Variants in TMEM60 observed in about 807,000 individuals in gnomAD.
TMEM60 encodes chromosome 7 open reading frame 35.
TMEM60 carries 4 observed loss-of-function variants against 10.7 expected under a neutral mutation model. That is an observed-to-expected ratio of 0.37 (90% CI 0.18 to 0.86). The LOEUF (loss-of-function observed/expected upper bound fraction) is 0.86. Among genes scored for constraint, TMEM60 ranks in the 40% least tolerant of loss-of-function variants. The pLI is 0.43. For missense variants in TMEM60, 128 were observed against 153.4 expected (o/e 0.83, Z 0.88); for synonymous variants, 56 against 58.1 (o/e 0.96, Z 0.17).
chr7:77,798,134 G>C (rs570822273), intron 1 of TMEM60, 120 bp downstream of exon 1: 1 of 152,668 alleles, frequency 6.6e-6, no homozygotes, highest in East Asian at 1.9e-4. Flanking sequence ...GAGCCAAGCA[G>C]GCGTGTGCGC....
At chr7:77,795,527 T>C (rs1444164115) in intron 1 of TMEM60, among the ~76,000 whole-genome samples, 1 of 152,046 alleles carries the variant, frequency 6.6e-6, no homozygotes, top group African/African-American at 2.4e-5. Context: ...AAAAAAAAGA[T>C]TGTAAAGAGG....
chr7:77,793,802 G>T lies in TMEM60; in HGVS notation c.*170C>A. 1 of 642,332 alleles carries T rather than the reference G, an allele frequency of 1.6e-6. No homozygotes were observed. The highest frequency in any genetic ancestry group is 1.9e-5 in the African/African-American group (1 of 53,234). 39.8% of individuals were successfully genotyped at this position (642,332 alleles called of 1,614,324 possible). A position where few individuals can be genotyped will look rare whatever the true frequency, so the allele number is the denominator to read the frequency against. On this transcript the variant is annotated 3_prime_UTR_variant, in exon 2 of 2. Coordinates refer to ENST00000257663, the MANE Select transcript of TMEM60 (RefSeq NM_032936.4). ...AACTCAAATGCTGAATAATTAAGCT[G>T]TAGGTTGACTAGAAGTCCGTGATTC...
chr7:77,797,606 G>A (rs1792207599), intron 1 of TMEM60, among the ~76,000 whole-genome samples: 1 of 152,150 alleles, frequency 6.6e-6, no homozygotes, highest in Non-Finnish European at 1.5e-5. Flanking sequence ...CTCCAAAAAT[G>A]TGCTCAACTA....
At chr7:77,796,661 G>A (rs1792170168) in intron 1 of TMEM60, among the ~76,000 whole-genome samples, 1 of 152,188 alleles carries the variant, frequency 6.6e-6, no homozygotes, top group African/African-American at 2.4e-5. Flanking sequence ...TGACACTGAA[G>A]ATGAGAGAGG....
intron 1 of TMEM60, among the ~76,000 whole-genome samples, chr7:77,797,205 G>C (rs1263328250): frequency 6.6e-6 from 1 of 152,146 alleles, no homozygotes; most frequent in African/African-American, 2.4e-5. Flanking sequence ...CCGTTTTTGT[G>C]AACCTCTGAA....
At chr7:77,797,022 T>C (rs1792184653) in intron 1 of TMEM60, among the ~76,000 whole-genome samples, 1 of 152,194 alleles carries the variant, frequency 6.6e-6, no homozygotes, top group African/African-American at 2.4e-5. Context: ...TGCAGTAATT[T>C]TGCTTCTAAG....
At chr7:77,796,095 G>A (rs1405773671) in intron 1 of TMEM60, among the ~76,000 whole-genome samples, 2 of 152,100 alleles carry the variant, frequency 1.3e-5, no homozygotes, top group African/African-American at 4.8e-5. Context: ...GCGCCACCAC[G>A]CCCAGCTAGT....
chr7:77,797,276 C>G (rs767506501), intron 1 of TMEM60, among the ~76,000 whole-genome samples: 20 of 152,170 alleles, frequency 1.3e-4, no homozygotes, highest in Non-Finnish European at 2.1e-4. Context: ...TCGGATAAGA[C>G]AAGCTTCATT....
At chr7:77,795,153 C>T (rs1792154625) in intron 1 of TMEM60, among the ~76,000 whole-genome samples, 1 of 151,560 alleles carries the variant, frequency 6.6e-6, no homozygotes, top group South Asian at 2.1e-4. Flanking sequence ...GAGTGAGATG[C>T]TGTCTCAATC....
chr7:77,796,094 C>T (rs1225593933), intron 1 of TMEM60, among the ~76,000 whole-genome samples: 3 of 152,100 alleles, frequency 2.0e-5, no homozygotes, highest in Non-Finnish European at 2.9e-5. Flanking sequence ...TGCGCCACCA[C>T]GCCCAGCTAG....
chr7:77,794,211 C>A lies in TMEM60; in HGVS notation c.163G>T (p.Val55Leu), dbSNP rs1474845688. 6.2e-7 allele frequency: 1 copy of A among 1,613,794 alleles called. No individual in the cohort carries two copies. Among genetic ancestry groups the A allele is most frequent in the Admixed American group, 1.7e-5 (1 of 59,976 alleles). The change falls in exon 2 of 2, where the codon GTG becomes TTG. Residue 55 changes from valine (V) to leucine (L), a missense_variant. Physicochemically the swap from Val to Leu is conservative, Grantham distance 32. Transcript: ENST00000257663. ...FDTILLVLLIVKMAGRCKSGF... is the reference protein window; with the variant it reads ...FDTILLVLLILKMAGRCKSGF... Reference sequence around the variant, plus strand: ...GACTTACACCGCCCAGCCATTTTCACAATCAGCAGGACAAGAAGGATAGTA... The same window carrying A: ...GACTTACACCGCCCAGCCATTTTCAAAATCAGCAGGACAAGAAGGATAGTA...
chr7:77,793,820 C>A lies in TMEM60; in HGVS notation c.*152G>T. 1.3e-6 allele frequency: 1 copy of A among 789,598 alleles called. No individual in the cohort carries two copies. Among genetic ancestry groups the A allele is most frequent in the Non-Finnish European group, 1.9e-6 (1 of 537,892 alleles). The allele number at this position is 789,598 out of a possible 1,614,324, so 48.9% of individuals were successfully genotyped here. The stretch of plus-strand genomic sequence containing the variant: ...TTAAGCTGTAGGTTGACTAGAAGTC[C>A]GTGATTCACCAATCCTGTTTTATGG... On this transcript the variant is annotated 3_prime_UTR_variant, in exon 2 of 2. Transcript: ENST00000257663.
rs866828259 is a variant in TMEM60 at position 77,794,287 on chromosome 7, C to T, written c.87G>A (p.Glu29=). Residue 29 remains glutamate (E), a synonymous_variant, in exon 2 of 2, where the codon GAG becomes GAA. Coordinates refer to ENST00000257663, the MANE Select transcript of TMEM60 (RefSeq NM_032936.4). ...TGAGGAACCAGTTCCAAGGTGCTTT[C>T]TCATCCAGTTTCAACACCAACATGA... is the stretch of plus-strand genomic sequence containing the variant. ...FLIMLVLKLD[E]KAPWNWFLIF... is the part of the protein sequence containing the mutation. 1 of 1,613,308 alleles carries T rather than the reference C, an allele frequency of 6.2e-7. No individual in the cohort carries two copies. The highest frequency in any genetic ancestry group is 1.1e-5 in the South Asian group (1 of 90,864).
chr7:77,798,217 G>GC (rs1562818935), intron 1 of TMEM60, 37 bp downstream of exon 1: 1 of 152,378 alleles, frequency 6.6e-6, no homozygotes, highest in African/African-American at 2.4e-5. Flanking sequence ...ACCAGCGCCG[G>GC]CGTACGGTGC....
chr7:77,794,896 C>T (rs561196174), intron 1 of TMEM60, among the ~76,000 whole-genome samples: 2 of 152,192 alleles, frequency 1.3e-5, no homozygotes, highest in East Asian at 3.9e-4. Context: ...TGGCTCATGC[C>T]AGTAATCCCA....
In TMEM60 at chr7:77,793,845, G is replaced by T; in HGVS notation, c.*127C>A. Reference sequence around the variant, plus strand: ...CGTGATTCACCAATCCTGTTTTATGGAAGTAGTATAAAACTACATTTGGTA... The same window carrying T: ...CGTGATTCACCAATCCTGTTTTATGTAAGTAGTATAAAACTACATTTGGTA... On this transcript the variant is annotated 3_prime_UTR_variant, in exon 2 of 2. Coordinates refer to ENST00000257663, the MANE Select transcript of TMEM60 (RefSeq NM_032936.4). 9.7e-7 allele frequency: 1 copy of T among 1,027,098 alleles called. No homozygotes were observed. The highest frequency in any genetic ancestry group is 1.3e-6 in the Non-Finnish European group (1 of 748,086). The allele number at this position is 1,027,098 out of a possible 1,614,324, so 63.6% of individuals were successfully genotyped here.
At chr7:77,797,581 AGG>A (rs906871193) in intron 1 of TMEM60, among the ~76,000 whole-genome samples, 13 of 152,228 alleles carry the variant, frequency 8.5e-5, no homozygotes, top group African/African-American at 2.4e-4. Context: ...TCCACAAGAA[AGG>A]GGGAGGTGCG....
chr7:77,793,902 T>G lies in TMEM60; in HGVS notation c.*70A>C, dbSNP rs1164385645. On this transcript the variant is annotated 3_prime_UTR_variant, in exon 2 of 2. Coordinates refer to ENST00000257663, the MANE Select transcript of TMEM60 (RefSeq NM_032936.4). Reference sequence around the variant, plus strand: ...CTCAGTTCTCTGGTATTCTTGAAGCTTGACAGATTCAGAACACTTTAATGG... The same window carrying G: ...CTCAGTTCTCTGGTATTCTTGAAGCGTGACAGATTCAGAACACTTTAATGG... 10 of 1,454,148 alleles carry G rather than the reference T, an allele frequency of 6.9e-6. No individual in the cohort carries two copies. The African/African-American group carries it at 1.3e-4, about 19-fold the overall frequency. The allele number at this position is 1,454,148 out of a possible 1,614,324, so 90.1% of individuals were successfully genotyped here.
rs79088249 is a variant in TMEM60, at chr7:77,796,752, A to C, written c.-51+1502T>G. 2.7e-3 allele frequency among the ~76,000 whole-genome samples: 410 copies of C among 152,358 alleles called. 6 individuals carry two copies. In the East Asian group the frequency reaches 0.04, roughly 15 times the overall value. On this transcript the variant is annotated intron_variant, in intron 1 of 1. Transcript: ENST00000257663. ...TGCGTGGTAGGAGGAAAGATGCAGGAAGATAACAGGGAAAAGGTGAAGGAA... is the reference window on the plus strand; with the variant it reads ...TGCGTGGTAGGAGGAAAGATGCAGGCAGATAACAGGGAAAAGGTGAAGGAA...
Sources: allele counts gnomAD v4.1 joint callset (sites outside exome capture counted in the v4.1 genomes callset), GRCh38; gene constraint gnomAD v4.1.1; transcripts MANE v1.5; gene names NCBI Gene and HGNC (gene_info 2026-07-23, HGNC 2026-07-21).